Variants in FAM210A observed in about 807,000 individuals in gnomAD.
FAM210A encodes the protein mitochondrial inner membrane scaffold 1, also known as family with sequence similarity 210 member A.
Under a neutral mutation model 25.3 loss-of-function variants are expected in FAM210A, and 13 were observed. The ratio of observed to expected loss-of-function variants is 0.51; its 90% CI spans 0.33 to 0.82. FAM210A has a LOEUF of 0.82. FAM210A is among the 40% of genes least tolerant of loss of function. The probability of loss-of-function intolerance (pLI) is 0.02; values close to 1 mark genes in which losing one functional copy is unlikely to be tolerated. For missense variants in FAM210A, 319 were observed against 323.2 expected (o/e 0.99, Z 0.10); for synonymous variants, 125 against 118.7 (o/e 1.05, Z -0.35).
intron 2 of FAM210A, among the ~76,000 whole-genome samples, chr18:13,679,587 T>C (rs2043533173): frequency 6.6e-6 from 1 of 152,196 alleles, no homozygotes. Context: ...CTGCCCATTA[T>C]AAATTCTCTA....
At chr18:13,704,794 C>T (rs567250639) in intron 1 of FAM210A, among the ~76,000 whole-genome samples, 64 of 152,222 alleles carry the variant, frequency 4.2e-4, no homozygotes, top group African/African-American at 1.5e-3. Flanking sequence ...TGTGTATATG[C>T]TATCCATAAT....
chr18:13,677,192 A>G (rs1394184078), intron 2 of FAM210A, among the ~76,000 whole-genome samples: 2 of 151,246 alleles, frequency 1.3e-5, no homozygotes, highest in Non-Finnish European at 2.9e-5. Flanking sequence ...CTCCTGCCTC[A>G]GCCTCCCGAG....
At chr18:13,716,356 C>T (rs1054054600) in intron 1 of FAM210A, among the ~76,000 whole-genome samples, 6 of 152,154 alleles carry the variant, frequency 3.9e-5, no homozygotes, top group East Asian at 1.9e-4. Context: ...TGATGGATCC[C>T]GATCAAAAGG....
intron 1 of FAM210A, among the ~76,000 whole-genome samples, chr18:13,695,875 T>A (rs1018241801): frequency 6.6e-6 from 1 of 151,892 alleles, no homozygotes; most frequent in African/African-American, 2.4e-5. Flanking sequence ...ATAAAAAGAC[T>A]CCTGGAACTA....
At chr18:13,672,084 G>T in intron 2 of FAM210A, 111 bp from the exon 3 acceptor site, 1 of 719,918 alleles carries the variant, frequency 1.4e-6, no homozygotes, top group Non-Finnish European at 2.2e-6. Flanking sequence ...TTGCTTAAAA[G>T]TTGATTCTAC....
At chr18:13,681,191 C>T (rs2043550184) in intron 2 of FAM210A, among the ~76,000 whole-genome samples, 1 of 152,136 alleles carries the variant, frequency 6.6e-6, no homozygotes, top group South Asian at 2.1e-4. Context: ...TCCTGAATGC[C>T]AGGATGAGAT....
At chr18:13,696,680 T>A (rs754384402) in intron 1 of FAM210A, among the ~76,000 whole-genome samples, 5 of 152,208 alleles carry the variant, frequency 3.3e-5, no homozygotes, top group Non-Finnish European at 7.3e-5. Flanking sequence ...GGCTAATGTG[T>A]GTTTGTGCCT....
chr18:13,718,548 T>G (rs1568490314), intron 1 of FAM210A, among the ~76,000 whole-genome samples: 1 of 152,034 alleles, frequency 6.6e-6, no homozygotes, highest in Non-Finnish European at 1.5e-5. Context: ...AAAAAAGAAC[T>G]GCTAATCTAG....
At chr18:13,682,816 T>G (rs889665306) in intron 1 of FAM210A, among the ~76,000 whole-genome samples, 1 of 152,100 alleles carries the variant, frequency 6.6e-6, no homozygotes, top group Admixed American at 6.6e-5. Flanking sequence ...TTGCAGTGAG[T>G]TGAGATCATG....
chr18:13,721,620 G>A (rs1031499736), intron 1 of FAM210A, among the ~76,000 whole-genome samples: 6 of 150,886 alleles, frequency 4.0e-5, no homozygotes, highest in African/African-American at 1.2e-4. Flanking sequence ...TCCACAAGTC[G>A]GGGAACCAGT....
chr18:13,664,381 T>C lies in FAM210A; in HGVS notation c.*2099A>G, dbSNP rs979936377. On this transcript the variant is annotated 3_prime_UTR_variant, in exon 4 of 4. Coordinates refer to ENST00000651643, the MANE Select transcript of FAM210A (RefSeq NM_152352.4). Reference sequence around the variant, plus strand: ...TGCAACATGAAAAGTAAAAGGAAATTGTTTTAGAAAAATTCCATATAACAC... The same window carrying C: ...TGCAACATGAAAAGTAAAAGGAAATCGTTTTAGAAAAATTCCATATAACAC... The C allele has an allele frequency of 2.0e-5, 3 of 152,186 alleles. No individual in the cohort carries two copies. Among genetic ancestry groups the C allele is most frequent in the Non-Finnish European group, 4.4e-5 (3 of 68,038 alleles). 9.4% of individuals were successfully genotyped at this position (152,186 alleles called of 1,614,324 possible).
intron 1 of FAM210A, among the ~76,000 whole-genome samples, chr18:13,696,206 G>T (rs1466626986): frequency 6.6e-6 from 1 of 152,154 alleles, no homozygotes; most frequent in African/African-American, 2.4e-5. Context: ...CTAGCAAACT[G>T]TTTCTTGTAT....
intron 1 of FAM210A, among the ~76,000 whole-genome samples, chr18:13,702,066 G>A (rs996649529): frequency 6.6e-6 from 1 of 152,214 alleles, no homozygotes; most frequent in Non-Finnish European, 1.5e-5. Flanking sequence ...AACAGAAAAA[G>A]ATGATTTTGC....
At chr18:13,674,096 T>A (rs1248152191) in intron 2 of FAM210A, among the ~76,000 whole-genome samples, 2 of 143,228 alleles carry the variant, frequency 1.4e-5, no homozygotes, top group African/African-American at 2.5e-5. Context: ...CCTGGCTTCT[T>A]TATTTCCAGT....
In FAM210A at chr18:13,666,331, A is replaced by C. The variant is rs1489196889; in HGVS notation, c.*149T>G. On this transcript the variant is annotated 3_prime_UTR_variant, in exon 4 of 4. Coordinates refer to ENST00000651643, the MANE Select transcript of FAM210A (RefSeq NM_152352.4). ...ACACTGATTTTTCTAGTGATATTTA[A>C]CTTTAAAAAGGTATTTTACTTCTTT... 6.3e-6 allele frequency: 4 copies of C among 638,998 alleles called. No individual in the cohort carries two copies. The highest frequency in any genetic ancestry group is 1.1e-5 in the Non-Finnish European group (4 of 369,382). The allele number at this position is 638,998 out of a possible 1,614,324, so 39.6% of individuals were successfully genotyped here. A position where few individuals can be genotyped will look rare whatever the true frequency, so the allele number is the denominator to read the frequency against.
chr18:13,705,996 T>C (rs1277498709), intron 1 of FAM210A, among the ~76,000 whole-genome samples: 1 of 152,238 alleles, frequency 6.6e-6, no homozygotes, highest in Non-Finnish European at 1.5e-5. Context: ...AGTGTATTTT[T>C]ATGGTTCACT....
intron 1 of FAM210A, among the ~76,000 whole-genome samples, chr18:13,722,768 C>T (rs1027015061): frequency 6.6e-6 from 1 of 152,116 alleles, no homozygotes; most frequent in South Asian, 2.1e-4. Flanking sequence ...TTCTTTAGGG[C>T]AGACACAGAA....
chr18:13,711,749 A>G (rs2043823551), intron 1 of FAM210A, among the ~76,000 whole-genome samples: 4 of 152,024 alleles, frequency 2.6e-5, no homozygotes, highest in Admixed American at 2.6e-4. Context: ...ACCCCAATTT[A>G]TGTTTCCTGT....
At chr18:13,672,011 T>C in intron 2 of FAM210A, 38 bp from the exon 3 acceptor site, 1 of 1,395,488 alleles carries the variant, frequency 7.2e-7, no homozygotes, top group Non-Finnish European at 1.0e-6. Flanking sequence ...ATGTACAAAC[T>C]TTTAATGATA....
Sources: gnomAD v4.1 joint callset for allele counts (sites outside exome capture counted in the v4.1 genomes callset) on GRCh38, gnomAD v4.1.1 for gene constraint, MANE v1.5 for transcripts, NCBI Gene and HGNC (gene_info 2026-07-23, HGNC 2026-07-21) for gene names.